Variants in CHST9 observed in about 807,000 individuals in gnomAD.
CHST9 encodes GalNAc-4-sulfotransferase 2.
Under a neutral mutation model 44.4 loss-of-function variants are expected in CHST9, and 41 were observed. That is an observed-to-expected ratio of 0.92 (90% CI 0.72 to 1.20). The LOEUF (loss-of-function observed/expected upper bound fraction) is 1.20, where lower values mean the gene tolerates loss of function less well. Among genes scored for constraint, CHST9 ranks in the 50% most tolerant of loss-of-function variants. The pLI is 0.00. For synonymous variants in CHST9, 171 were observed against 178.4 expected, an observed-to-expected ratio of 0.96 and a Z score of 0.33; for missense variants, 504 against 516.5, an observed-to-expected ratio of 0.98 and a Z score of 0.23.
intron 1 of CHST9, among the ~76,000 whole-genome samples, chr18:27,144,945 A>G (rs1001323205): frequency 2.6e-5 from 4 of 151,998 alleles, no homozygotes; most frequent in African/African-American, 9.7e-5. Flanking sequence ...GACTGTGCCA[A>G]TGTACTCCAC....
intron 1 of CHST9, among the ~76,000 whole-genome samples, chr18:27,155,347 A>T (rs568454719): frequency 1.1e-4 from 16 of 152,276 alleles, no homozygotes; most frequent in Non-Finnish European, 1.8e-4. Flanking sequence ...GTTACTTCAA[A>T]AGACAGTCTA....
At chr18:27,143,054 A>C (rs2058581349) in intron 1 of CHST9, 149 bp from the exon 2 acceptor site, 1 of 289,636 alleles carries the variant, frequency 3.5e-6, no homozygotes, top group Non-Finnish European at 6.3e-6. Flanking sequence ...AGGTGTTCCT[A>C]GAATGGCAAT....
intron 2 of CHST9, among the ~76,000 whole-genome samples, chr18:27,105,339 C>T (rs1257698927): frequency 1.3e-5 from 2 of 152,156 alleles, no homozygotes; most frequent in Admixed American, 1.3e-4. Context: ...TCTCTTTGAT[C>T]AATTTCTTCT....
At chr18:27,038,866 C>A (rs1325380706) in intron 3 of CHST9, among the ~76,000 whole-genome samples, 1 of 152,012 alleles carries the variant, frequency 6.6e-6, no homozygotes, top group Admixed American at 6.6e-5. Flanking sequence ...TAGCATGCTG[C>A]AATAATACTT....
intron 2 of CHST9, among the ~76,000 whole-genome samples, chr18:27,104,916 G>A (rs2058207555): frequency 6.6e-6 from 1 of 151,984 alleles, no homozygotes; most frequent in Non-Finnish European, 1.5e-5. Flanking sequence ...GCTCATAGAC[G>A]GCACTAAAGA....
At chr18:27,022,315 A>G (rs1407350946) in intron 4 of CHST9, among the ~76,000 whole-genome samples, 1 of 151,918 alleles carries the variant, frequency 6.6e-6, no homozygotes, top group Non-Finnish European at 1.5e-5. Context: ...CCATCTTTAA[A>G]CTCATCTTAG....
chr18:27,102,167 T>A (rs1374694652), intron 2 of CHST9, among the ~76,000 whole-genome samples: 5 of 152,206 alleles, frequency 3.3e-5, no homozygotes, highest in Non-Finnish European at 7.3e-5. Context: ...ATACTGATGA[T>A]CAAGTTTTAT....
chr18:27,091,674 A>G (rs1266805686), intron 2 of CHST9, among the ~76,000 whole-genome samples: 2 of 152,018 alleles, frequency 1.3e-5, no homozygotes, highest in African/African-American at 4.8e-5. Flanking sequence ...GAATTTTGTC[A>G]AAGGCCTTTT....
chr18:27,122,601 T>C (rs768015826), intron 2 of CHST9, among the ~76,000 whole-genome samples: 11 of 152,196 alleles, frequency 7.2e-5, no homozygotes, highest in Non-Finnish European at 1.3e-4. Flanking sequence ...AATTATCCAT[T>C]CAACTTACTA....
At chr18:27,162,121 ATT>A (rs1443801515) in intron 1 of CHST9, among the ~76,000 whole-genome samples, 4 of 152,242 alleles carry the variant, frequency 2.6e-5, no homozygotes, top group Admixed American at 2.6e-4. Context: ...TAAGATTAAT[ATT>A]GTTATGTGTG....
intron 4 of CHST9, among the ~76,000 whole-genome samples, chr18:26,993,005 A>G (rs2056842594): frequency 6.6e-6 from 1 of 152,136 alleles, no homozygotes; most frequent in South Asian, 2.1e-4. Flanking sequence ...AAATACTTAA[A>G]CACATCTCAT....
chr18:27,147,357 G>A (rs1335360643), intron 1 of CHST9, among the ~76,000 whole-genome samples: 4 of 152,180 alleles, frequency 2.6e-5, no homozygotes, highest in African/African-American at 7.2e-5. Context: ...GTGAGCCACC[G>A]CACCCAGCAG....
chr18:27,139,183 A>G (rs1268458813), intron 2 of CHST9, among the ~76,000 whole-genome samples: 5 of 152,162 alleles, frequency 3.3e-5, no homozygotes, highest in Admixed American at 6.5e-5. Context: ...AAAATAGTCC[A>G]TATCTTAGAT....
intron 4 of CHST9, among the ~76,000 whole-genome samples, chr18:26,994,805 T>C (rs1482956464): frequency 1.3e-5 from 2 of 152,078 alleles, no homozygotes; most frequent in African/African-American, 4.8e-5. Flanking sequence ...CCCAGGCTGG[T>C]ATCAAACTCC....
intron 5 of CHST9, among the ~76,000 whole-genome samples, chr18:26,939,134 A>G (rs2056044434): frequency 6.6e-6 from 1 of 152,210 alleles, no homozygotes; most frequent in Admixed American, 6.5e-5. Context: ...GATATAAATG[A>G]TTAGAATATA....
intron 2 of CHST9, among the ~76,000 whole-genome samples, chr18:27,107,406 G>T (rs952214794): frequency 3.3e-5 from 5 of 152,116 alleles, no homozygotes; most frequent in Admixed American, 1.3e-4. Context: ...GTATCATCTT[G>T]TTCCCTGCTT....
chr18:27,023,056 T>G (rs1488427384), intron 4 of CHST9, among the ~76,000 whole-genome samples: 2 of 152,216 alleles, frequency 1.3e-5, no homozygotes, highest in Non-Finnish European at 2.9e-5. Context: ...GGTCTGATTT[T>G]GTCTTTTTCC....
chr18:27,178,734 T>C (rs1274244881), intron 1 of CHST9, among the ~76,000 whole-genome samples: 1 of 152,046 alleles, frequency 6.6e-6, no homozygotes, highest in African/African-American at 2.4e-5. Context: ...CAGACAAAAC[T>C]GACCACACCC....
intron 1 of CHST9, among the ~76,000 whole-genome samples, chr18:27,159,729 T>C (rs1465361224): frequency 6.6e-6 from 1 of 152,222 alleles, no homozygotes; most frequent in Admixed American, 6.5e-5. Flanking sequence ...TATTGAGTCT[T>C]CCTACCCATG....
Sources: gnomAD v4.1 joint callset for allele counts (sites outside exome capture counted in the v4.1 genomes callset) on GRCh38, gnomAD v4.1.1 for gene constraint, MANE v1.5 for transcripts, NCBI Gene and HGNC (gene_info 2026-07-23, HGNC 2026-07-21) for gene names.